Variants in PCDHGA3 observed in about 807,000 individuals in gnomAD.
The protein encoded by PCDHGA3 is protocadherin gamma-A3.
PCDHGA3 carries 40 observed loss-of-function variants against 58.5 expected under a neutral mutation model. The observed-to-expected ratio is 0.68, with a 90% CI of 0.53 to 0.89. PCDHGA3 has a LOEUF of 0.89. PCDHGA3 is among the 40% of genes least tolerant of loss of function. The probability of loss-of-function intolerance (pLI) is 0.00; values close to 1 mark genes in which losing one functional copy is unlikely to be tolerated. For missense variants in PCDHGA3, 1,223 were observed against 1,195.9 expected (o/e 1.02, Z -0.33); for synonymous variants, 530 against 525.7 (o/e 1.01, Z -0.11).
chr5:141,398,586 A>G, intron 1 of PCDHGA3: 2 of 1,614,054 alleles, frequency 1.2e-6, no homozygotes, highest in Non-Finnish European at 1.7e-6. Flanking sequence ...CAAGATTTAT[A>G]CTAGAAGTAG....
At position 141,344,199 on chromosome 5, in the gene PCDHGA3, C is replaced by T; in HGVS notation, c.166C>T (p.Pro56Ser). The T allele has an allele frequency of 6.2e-7, 1 of 1,614,030 alleles. No individual in the cohort carries two copies. Among genetic ancestry groups the T allele is most frequent in the Non-Finnish European group, 8.5e-7 (1 of 1,179,902 alleles). ...GNIANDLGLE[P>S]RELAERGVRI... ...CATCGCTAACGACCTGGGGCTAGAGCCCCGGGAGCTGGCGGAGCGCGGAGT... is the reference window on the plus strand; with the variant it reads ...CATCGCTAACGACCTGGGGCTAGAGTCCCGGGAGCTGGCGGAGCGCGGAGT... The change falls in exon 1 of 4, where the codon CCC (proline) becomes TCC (serine). Residue 56 changes from proline to serine, a missense_variant. By Grantham distance (74) the Pro-to-Ser change is moderately conservative. This residue lies in a region of PCDHGA3 where 791 missense variants were observed against 708.5 expected (regional missense o/e 1.12). Transcript: ENST00000253812.
chr5:141,410,380 C>T, intron 1 of PCDHGA3: 1 of 1,614,072 alleles, frequency 6.2e-7, no homozygotes, highest in Non-Finnish European at 8.5e-7. Flanking sequence ...CTTGGGACTG[C>T]TTCCATCCTG....
chr5:141,467,084 A>T, intron 1 of PCDHGA3, among the ~76,000 whole-genome samples: 1 of 142,674 alleles, frequency 7.0e-6, no homozygotes, highest in African/African-American at 2.6e-5. Context: ...ACCAAGTCTC[A>T]CTCTGTCACA....
At chr5:141,453,014 G>A (rs2098753820) in intron 1 of PCDHGA3, among the ~76,000 whole-genome samples, 1 of 152,206 alleles carries the variant, frequency 6.6e-6, no homozygotes, top group Non-Finnish European at 1.5e-5. Flanking sequence ...GTATAGTTAT[G>A]TGATTCATTA....
chr5:141,498,294 G>A (rs2099782964), intron 2 of PCDHGA3, among the ~76,000 whole-genome samples: 1 of 151,910 alleles, frequency 6.6e-6, no homozygotes, highest in African/African-American at 2.4e-5. Flanking sequence ...GATCAAGCCA[G>A]CTCTGGGTCA....
Position 141,486,971 on chromosome 5 carries a change from T to G in PCDHGA3, c.2425-7836T>G. ...AAAGGTGACTGCTGTGGACTTGGAT[T>G]CAGGTTACAATGCTTGGGTTTCCTA... On this transcript the variant is annotated intron_variant, in intron 1 of 3. Transcript: ENST00000253812. The surrounding 1 kb of genome is among the most constrained non-coding windows in gnomAD (Gnocchi z 5.0). The G allele has an allele frequency of 6.2e-7, 1 of 1,614,220 alleles. No homozygotes were observed. The highest frequency in any genetic ancestry group is 8.5e-7 in the Non-Finnish European group (1 of 1,180,042).
intron 1 of PCDHGA3, chr5:141,361,002 A>T (rs1235404407): frequency 6.2e-7 from 1 of 1,613,380 alleles, no homozygotes; most frequent in African/African-American, 1.3e-5. Context: ...AACAAGTGAA[A>T]CACTTTTTCA....
Position 141,432,323 on chromosome 5 carries a change from T to C in PCDHGA3, c.2425-62484T>C, listed in dbSNP as rs1198710959. The C allele has an allele frequency of 3.4e-5, 55 of 1,614,214 alleles. No individual in the cohort carries two copies. Among genetic ancestry groups the C allele is most frequent in the Non-Finnish European group, 4.7e-5 (55 of 1,180,028 alleles). On this transcript the variant is annotated intron_variant, in intron 1 of 3. Transcript: ENST00000253812. This position sits in a 1 kb window ranked among gnomAD's most constrained non-coding sequence, Gnocchi z 6.0. ...ACTGTATGCGCTGAGCTCCTTCGAC[T>C]ACGAGCAGTTCCGAGACTTGCAAGT...
Position 141,476,008 on chromosome 5 carries a change from G to T in PCDHGA3, c.2425-18799G>T. 1 of 1,282,144 alleles carries T rather than the reference G, an allele frequency of 7.8e-7. No homozygotes were observed. Among genetic ancestry groups the T allele is most frequent in the Non-Finnish European group, 1.1e-6 (1 of 935,996 alleles). 79.4% of individuals were successfully genotyped at this position (1,282,144 alleles called of 1,614,324 possible). On this transcript the variant is annotated intron_variant, in intron 1 of 3. Coordinates refer to ENST00000253812, the MANE Select transcript of PCDHGA3 (RefSeq NM_018916.4). This position sits in a 1 kb window ranked among gnomAD's most constrained non-coding sequence, Gnocchi z 7.6. ...CGAGCAAATCAACGGCATCCAGAAA[G>T]CCATGTCGGACTCGGCGCCCAGCGC... is the stretch of plus-strand genomic sequence containing the variant.
intron 1 of PCDHGA3, chr5:141,376,589 C>G: frequency 6.4e-7 from 1 of 1,568,198 alleles, no homozygotes; most frequent in Non-Finnish European, 8.7e-7. Flanking sequence ...TCAGCTAGAT[C>G]GGCTGTTATA....
intron 1 of PCDHGA3, chr5:141,413,929 C>T (rs2095693828): frequency 6.2e-7 from 1 of 1,613,342 alleles, no homozygotes; most frequent in South Asian, 1.1e-5. Context: ...GCCAGAATAC[C>T]GAGTGAGTGT....
chr5:141,394,397 G>A, intron 1 of PCDHGA3: 1 of 1,614,212 alleles, frequency 6.2e-7, no homozygotes, highest in Non-Finnish European at 8.5e-7. Flanking sequence ...TCCGAGACCT[G>A]CAGCTACTGG....
In PCDHGA3 at chr5:141,400,400, C is replaced by T. The variant is rs375490385; in HGVS notation, c.2424+53943C>T. On this transcript the variant is annotated intron_variant, in intron 1 of 3. Coordinates refer to ENST00000253812, the MANE Select transcript of PCDHGA3 (RefSeq NM_018916.4). ...CTATGTGTTGCACATACAGGAAAGA[C>T]GGAGTTTAATTTCCTAAAATGTAGT... 65 of 1,614,000 alleles carry T rather than the reference C, an allele frequency of 4.0e-5. No individual in the cohort carries two copies. Among genetic ancestry groups the T allele is most frequent in the South Asian group, 3.8e-4 (35 of 91,078 alleles).
chr5:141,379,173 A>G (rs556120661), intron 1 of PCDHGA3: 5 of 152,374 alleles, frequency 3.3e-5, no homozygotes, highest in Non-Finnish European at 1.5e-5. Context: ...CTTCTTAAAG[A>G]TAACATTGAG....
intron 1 of PCDHGA3, among the ~76,000 whole-genome samples, chr5:141,470,068 G>A (rs1269966360): frequency 6.6e-6 from 1 of 152,240 alleles, no homozygotes; most frequent in East Asian, 1.9e-4. Flanking sequence ...GGCAGAGACT[G>A]TAGTGATCTG....
chr5:141,355,095 G>C lies in PCDHGA3; in HGVS notation c.2424+8638G>C. On this transcript the variant is annotated intron_variant, in intron 1 of 3. Coordinates refer to ENST00000253812, the MANE Select transcript of PCDHGA3 (RefSeq NM_018916.4). ...AAAGCTTCAAGCGGAAGCCCTGAGA[G>C]CTCTGGCTGTGAATGCACTTTATTT... 2.0e-6 allele frequency: 3 copies of C among 1,488,958 alleles called. No homozygotes were observed. In the South Asian group the frequency reaches 4.2e-5, roughly 21 times the overall value. The allele number at this position is 1,488,958 out of a possible 1,614,324, so 92.2% of individuals were successfully genotyped here. A position where few individuals can be genotyped will look rare whatever the true frequency, so the allele number is the denominator to read the frequency against.
intron 2 of PCDHGA3, among the ~76,000 whole-genome samples, chr5:141,503,685 G>A (rs1171934407): frequency 2.6e-5 from 4 of 151,882 alleles, no homozygotes; most frequent in African/African-American, 9.7e-5. Context: ...TTGGGAAGGA[G>A]AATTGAGATT....
rs373096276 is a variant in PCDHGA3, at chr5:141,346,200, C to T, written c.2167C>T (p.Arg723Cys). The T allele has an allele frequency of 8.7e-6, 14 of 1,614,108 alleles. No individual in the cohort carries two copies. Among genetic ancestry groups the T allele is most frequent in the Non-Finnish European group, 1.2e-5 (14 of 1,180,004 alleles). Residue 723 changes from arginine to cysteine, a missense_variant, in exon 1 of 4, where the codon CGC becomes TGC. Around this residue, in one of 3 missense-constraint regions of PCDHGA3, gnomAD observed 325 missense variants for 327.5 expected, o/e 0.99. Coordinates refer to ENST00000253812, the MANE Select transcript of PCDHGA3 (RefSeq NM_018916.4). ...ALRLRRWHKS[R>C]LLQASGGGLA... ...CAGGCTGCGGCGCTGGCACAAGTCA[C>T]GCCTGCTGCAGGCTTCGGGAGGCGG...
Position 141,347,137 on chromosome 5 carries a change from C to CTTTCTTTCTTTCTTTCTT in PCDHGA3, c.2424+681_2424+682insTTCTTTCTTTCTTTCTTT, listed in dbSNP as rs1554073405. 5.3e-5 allele frequency among the ~76,000 whole-genome samples: 6 copies of CTTTCTTTCTTTCTTTCTT among 113,834 alleles called. No homozygotes were observed. In the East Asian group the frequency reaches 7.3e-4, roughly 14 times the overall value. 74.7% of individuals were successfully genotyped at this position (113,834 alleles called of 152,430 possible). On this transcript the variant is annotated intron_variant, in intron 1 of 3. Transcript: ENST00000253812. ...CTCCTTCCTTCCTTCCTCTGTTTCT[C>CTTTCTTTCTTTCTTTCTT]TCTTTCTTTCTTTCTTTCTTTCTTT...
Sources: allele counts gnomAD v4.1 joint callset (sites outside exome capture counted in the v4.1 genomes callset), GRCh38; gene constraint gnomAD v4.1.1; regional missense constraint gnomAD v4.1.1; non-coding constraint Gnocchi (gnomAD v3.1); transcripts MANE v1.5; gene names NCBI Gene and HGNC (gene_info 2026-07-23, HGNC 2026-07-21).